Variants in UGCG observed in about 807,000 individuals in gnomAD.
UGCG encodes ceramide glucosyltransferase.
UGCG carries 10 observed loss-of-function variants against 49.5 expected under a neutral mutation model. The observed-to-expected ratio is 0.20, with a 90% CI of 0.12 to 0.34. The LOEUF (loss-of-function observed/expected upper bound fraction) is 0.34, where lower values mean the gene tolerates loss of function less well. UGCG is among the 10% of genes least tolerant of loss of function. The pLI is 1.00. For synonymous variants in UGCG, 182 were observed against 158.2 expected, an observed-to-expected ratio of 1.15 and a Z score of -1.13; for missense variants, 312 against 483.7, an observed-to-expected ratio of 0.65 and a Z score of 3.33.
intron 1 of UGCG, among the ~76,000 whole-genome samples, chr9:111,912,717 AT>A (rs1838035826): frequency 6.6e-6 from 1 of 152,192 alleles, no homozygotes; most frequent in African/African-American, 2.4e-5. Context: ...GTTTCACTCA[AT>A]TGTTTCTCAC....
intron 1 of UGCG, among the ~76,000 whole-genome samples, chr9:111,911,222 G>A (rs1471493401): frequency 2.0e-5 from 3 of 152,004 alleles, no homozygotes; most frequent in Non-Finnish European, 4.4e-5. Context: ...TCCATCTCCA[G>A]GTCACCAGTA....
intron 2 of UGCG, among the ~76,000 whole-genome samples, chr9:111,917,632 A>T (rs973951846): frequency 6.6e-6 from 1 of 152,210 alleles, no homozygotes; most frequent in Middle Eastern, 3.2e-3. Flanking sequence ...AATTTTACTT[A>T]ATTTTGGACA....
intron 1 of UGCG, among the ~76,000 whole-genome samples, chr9:111,907,756 C>T (rs1458248656): frequency 6.6e-6 from 1 of 151,942 alleles, no homozygotes; most frequent in Non-Finnish European, 1.5e-5. Context: ...TCCCGAGTAG[C>T]TGGGATTACA....
chr9:111,918,951 A>T (rs200685717), intron 2 of UGCG, among the ~76,000 whole-genome samples: 14 of 118,420 alleles, frequency 1.2e-4, no homozygotes, highest in South Asian at 2.4e-4. Context: ...AAACAAAAAA[A>T]CAAAAAAAAA....
intron 2 of UGCG, among the ~76,000 whole-genome samples, chr9:111,915,573 T>C (rs1373028368): frequency 6.6e-6 from 1 of 152,206 alleles, no homozygotes; most frequent in Non-Finnish European, 1.5e-5. Flanking sequence ...CCCTTTGCGG[T>C]CTCTATTCAC....
intron 6 of UGCG, 94 bp downstream of exon 6, chr9:111,929,772 T>A: frequency 6.9e-7 from 1 of 1,442,568 alleles, no homozygotes; most frequent in Non-Finnish European, 9.4e-7. Flanking sequence ...CTTTTTAATT[T>A]AATTTTATTT....
At chr9:111,924,039 C>T (rs1164964427) in intron 3 of UGCG, among the ~76,000 whole-genome samples, 5 of 152,252 alleles carry the variant, frequency 3.3e-5, no homozygotes, top group African/African-American at 1.2e-4. Flanking sequence ...CCACCCCCCT[C>T]GACCTCCCAA....
At chr9:111,901,482 G>A (rs974825980) in intron 1 of UGCG, among the ~76,000 whole-genome samples, 14 of 152,130 alleles carry the variant, frequency 9.2e-5, no homozygotes, top group African/African-American at 3.1e-4. Flanking sequence ...ACCTGAGCCT[G>A]GGAAGATACG....
At chr9:111,904,726 G>A (rs1376207949) in intron 1 of UGCG, among the ~76,000 whole-genome samples, 4 of 152,124 alleles carry the variant, frequency 2.6e-5, no homozygotes, top group Non-Finnish European at 5.9e-5. Flanking sequence ...GCCGGGTGTG[G>A]TGGTGCTCGC....
At chr9:111,907,438 G>T (rs1028781732) in intron 1 of UGCG, among the ~76,000 whole-genome samples, 1 of 152,072 alleles carries the variant, frequency 6.6e-6, no homozygotes, top group Non-Finnish European at 1.5e-5. Context: ...GGGTTGGTCT[G>T]GTCTGCTAAT....
chr9:111,932,896 T>C lies in UGCG; in HGVS notation c.1084T>C (p.Tyr362His), dbSNP rs768146643. Residue 362 changes from tyrosine to histidine, a missense_variant, in exon 9 of 9, where the codon TAC becomes CAC. By Grantham distance (83) the Tyr-to-His change is moderately conservative. Transcript: ENST00000374279. The stretch of plus-strand genomic sequence containing the variant: ...GTTCATCCGCGAATCCATGACAATA[T>C]ACATTTTTTTGTCTGCATTATGGGA... ...AWFIRESMTI[Y>H]IFLSALWDPT... 15 of 1,612,816 alleles carry C rather than the reference T, an allele frequency of 9.3e-6. No homozygotes were observed. Among genetic ancestry groups the C allele is most frequent in the Non-Finnish European group, 1.3e-5 (15 of 1,179,394 alleles).
At position 111,933,447 on chromosome 9, in the gene UGCG, G is replaced by A. The variant is rs1838463103; in HGVS notation, c.*450G>A. On this transcript the variant is annotated 3_prime_UTR_variant, in exon 9 of 9. Transcript: ENST00000374279. ...GAAGGAATGACTATTCATGTCCAAA[G>A]TGAATGGTTTTGTGCAGTGAACAAC... 1 of 152,234 alleles carries A rather than the reference G, an allele frequency of 6.6e-6. No individual in the cohort carries two copies. The highest frequency in any genetic ancestry group is 2.4e-5 in the African/African-American group (1 of 41,456). 9.4% of individuals were successfully genotyped at this position (152,234 alleles called of 1,614,324 possible).
Position 111,934,436 on chromosome 9 carries a change from C to T in UGCG, c.*1439C>T, listed in dbSNP as rs533722744. The T allele has an allele frequency of 6.6e-6, 1 of 151,558 alleles. No individual in the cohort carries two copies. The highest frequency in any genetic ancestry group is 1.5e-5 in the Non-Finnish European group (1 of 67,936). The allele number at this position is 151,558 out of a possible 1,614,324, so 9.4% of individuals were successfully genotyped here. On this transcript the variant is annotated 3_prime_UTR_variant, in exon 9 of 9. Coordinates refer to ENST00000374279, the MANE Select transcript of UGCG (RefSeq NM_003358.3). ...AAGTAGTGGTGTTTTGCTTTTTCTTCAGGATTGGATGGCATGTTGTCCACA... is the reference window on the plus strand; with the variant it reads ...AAGTAGTGGTGTTTTGCTTTTTCTTTAGGATTGGATGGCATGTTGTCCACA...
At chr9:111,898,590 T>A (rs550032276) in intron 1 of UGCG, among the ~76,000 whole-genome samples, 1 of 152,302 alleles carries the variant, frequency 6.6e-6, no homozygotes, top group African/African-American at 2.4e-5. Flanking sequence ...TTGGTGAGCT[T>A]AGTCACAGCA....
intron 8 of UGCG, 80 bp downstream of exon 8, chr9:111,932,439 T>C: frequency 2.2e-6 from 3 of 1,385,564 alleles, no homozygotes; most frequent in South Asian, 2.8e-5. Flanking sequence ...TTGAAGGAAA[T>C]GTATCTGAGC....
chr9:111,909,167 G>A (rs1053133789), intron 1 of UGCG, among the ~76,000 whole-genome samples: 1 of 152,092 alleles, frequency 6.6e-6, no homozygotes, highest in Admixed American at 6.5e-5. Context: ...TGATCCGCCT[G>A]CCTCATCTTC....
At chr9:111,926,633 G>A (rs1838316435) in intron 5 of UGCG, 137 bp downstream of exon 5, 2 of 545,152 alleles carry the variant, frequency 3.7e-6, no homozygotes, top group East Asian at 3.2e-5. Context: ...TGTTCTAGAA[G>A]CCCTGAGTTG....
At chr9:111,932,586 T>C (rs536220326) in intron 8 of UGCG, among the ~76,000 whole-genome samples, 76 of 152,316 alleles carry the variant, frequency 5.0e-4, no homozygotes, top group African/African-American at 1.8e-3. Context: ...TCCAAAAACA[T>C]GAAGTTAATT....
intron 1 of UGCG, among the ~76,000 whole-genome samples, chr9:111,902,732 G>A (rs1837800524): frequency 6.6e-6 from 1 of 151,850 alleles, no homozygotes; most frequent in African/African-American, 2.4e-5. Context: ...GTGAACTTTT[G>A]CCCTTGTGGA....
Sources: gnomAD v4.1 joint callset for allele counts (sites outside exome capture counted in the v4.1 genomes callset) on GRCh38, gnomAD v4.1.1 for gene constraint, MANE v1.5 for transcripts, NCBI Gene and HGNC (gene_info 2026-07-23, HGNC 2026-07-21) for gene names.